Variants in PTBP2 observed in about 807,000 individuals in gnomAD.
PTBP2 encodes the protein polypyrimidine tract binding protein 2, also known as polypyrimidine tract-binding protein 2.
A neutral mutation model predicts 61.4 loss-of-function variants in PTBP2; 13 were observed. That is an observed-to-expected ratio of 0.21 (90% CI 0.14 to 0.34). The LOEUF (loss-of-function observed/expected upper bound fraction) is 0.34, where lower values mean the gene tolerates loss of function less well. Ranked by LOEUF, PTBP2 falls within the 10% of genes least tolerant of loss-of-function variation. The pLI is 1.00. For missense variants in PTBP2, 405 were observed against 642.6 expected (o/e 0.63, Z 4.00); for synonymous variants, 215 against 218.5 (o/e 0.98, Z 0.14).
chr1:96,822,643 CTT>C (rs1662719823), exon 14 of PTBP2: 1 of 152,080 alleles, frequency 6.6e-6, no homozygotes, highest in African/African-American at 2.4e-5. Flanking sequence ...ATAAGTTAAA[CTT>C]ATCCATCTAA....
intron 2 of PTBP2, among the ~76,000 whole-genome samples, chr1:96,728,806 T>A (rs1050079557): frequency 7.2e-6 from 1 of 138,812 alleles, no homozygotes; most frequent in Non-Finnish European, 1.5e-5. Context: ...GTCTTTAATT[T>A]CTTTAAGCAT....
At chr1:96,785,726 T>G (rs1659140334) in intron 8 of PTBP2, among the ~76,000 whole-genome samples, 1 of 152,176 alleles carries the variant, frequency 6.6e-6, no homozygotes, top group African/African-American at 2.4e-5. Flanking sequence ...GGATTTTTTT[T>G]GAAGCATATT....
At chr1:96,762,997 C>T (rs927606885) in intron 3 of PTBP2, among the ~76,000 whole-genome samples, 73 of 151,264 alleles carry the variant, frequency 4.8e-4, no homozygotes, top group Non-Finnish European at 8.3e-4. Context: ...CGGGCAGAGA[C>T]GCTCCTCACT....
chr1:96,800,939 A>G (rs1373486081), intron 8 of PTBP2, among the ~76,000 whole-genome samples: 1 of 152,160 alleles, frequency 6.6e-6, no homozygotes, highest in Non-Finnish European at 1.5e-5. Context: ...TTTGAAAACA[A>G]TTATGTCTTA....
chr1:96,792,250 T>C (rs1032666560), intron 8 of PTBP2, among the ~76,000 whole-genome samples: 1 of 152,238 alleles, frequency 6.6e-6, no homozygotes, highest in Admixed American at 6.5e-5. Context: ...TGAATACTAA[T>C]ATTAACCATT....
At chr1:96,765,888 G>A (rs147829990) in intron 3 of PTBP2, among the ~76,000 whole-genome samples, 2 of 152,222 alleles carry the variant, frequency 1.3e-5, no homozygotes, top group East Asian at 1.9e-4. Context: ...CAAATGAGTC[G>A]GGAAATTAGA....
chr1:96,774,732 G>A (rs1021005742), intron 5 of PTBP2, among the ~76,000 whole-genome samples: 6 of 151,476 alleles, frequency 4.0e-5, no homozygotes, highest in Admixed American at 6.6e-5. Flanking sequence ...TTTTTTTCTC[G>A]CTAGTACAGC....
At chr1:96,801,830 C>T (rs1661022253) in intron 8 of PTBP2, among the ~76,000 whole-genome samples, 1 of 145,736 alleles carries the variant, frequency 6.9e-6, no homozygotes, top group Non-Finnish European at 1.5e-5. Context: ...CATTACACTC[C>T]AGCCTGGGGG....
chr1:96,733,667 C>CA (rs200490382), intron 2 of PTBP2, among the ~76,000 whole-genome samples: 37 of 149,498 alleles, frequency 2.5e-4, no homozygotes, highest in Admixed American at 1.9e-3. Context: ...GATCCAGTCT[C>CA]AAAAAAAAAG....
chr1:96,742,719 G>T (rs1653202421), intron 2 of PTBP2, among the ~76,000 whole-genome samples: 2 of 146,674 alleles, frequency 1.4e-5, no homozygotes, highest in African/African-American at 2.5e-5. Flanking sequence ...TTCATTTAAA[G>T]GTTTTAAGCT....
chr1:96,731,545 T>G (rs1367343747), intron 2 of PTBP2, among the ~76,000 whole-genome samples: 2 of 152,186 alleles, frequency 1.3e-5, no homozygotes, highest in Non-Finnish European at 2.9e-5. Flanking sequence ...GTAAACATTT[T>G]TAGCCTCAGC....
intron 2 of PTBP2, among the ~76,000 whole-genome samples, chr1:96,732,454 A>G (rs1185282416): frequency 6.6e-6 from 1 of 152,288 alleles, no homozygotes; most frequent in South Asian, 2.1e-4. Context: ...CAGTGACCCT[A>G]TTTGTTATGT....
rs144429308 is a variant in PTBP2, at chr1:96,810,986, T to A, written c.1172-1726T>A. On this transcript the variant is annotated intron_variant, in intron 11 of 13. Transcript: ENST00000674951. ...GATTGTTTTGTTTTTTTTCTGTGCT[T>A]AGCCTTGGCGAAAAATCTGAGAAAA... Among the ~76,000 whole-genome samples the A allele has an allele frequency of 1.4e-3, 208 of 152,158 alleles. 2 individuals carry two copies. The highest frequency in any genetic ancestry group is 4.6e-3 in the African/African-American group (190 of 41,544).
chr1:96,745,261 C>T (rs927073921), intron 2 of PTBP2, among the ~76,000 whole-genome samples: 2 of 151,926 alleles, frequency 1.3e-5, no homozygotes, highest in Non-Finnish European at 1.5e-5. Flanking sequence ...CTCCCTGGTT[C>T]ACCCCATTCT....
At chr1:96,756,471 T>C (rs1181794965) in intron 3 of PTBP2, among the ~76,000 whole-genome samples, 2 of 152,186 alleles carry the variant, frequency 1.3e-5, no homozygotes, top group African/African-American at 4.8e-5. Flanking sequence ...GAAAACTTAG[T>C]CTGCGCAGAA....
intron 2 of PTBP2, chr1:96,751,214 G>GATT: frequency 1.6e-6 from 1 of 633,602 alleles, no homozygotes; most frequent in Non-Finnish European, 2.9e-6. Flanking sequence ...TTTGGGCTTA[G>GATT]AGTAAAGAAG....
chr1:96,760,839 G>A (rs1052222653), intron 3 of PTBP2, among the ~76,000 whole-genome samples: 1 of 152,140 alleles, frequency 6.6e-6, no homozygotes, highest in Non-Finnish European at 1.5e-5. Context: ...CATGTTTGCT[G>A]TAAAACTTGT....
At chr1:96,754,125 C>T (rs79610805) in intron 3 of PTBP2, among the ~76,000 whole-genome samples, 2,889 of 151,986 alleles carry the variant, frequency 0.019, 95 homozygotes, top group African/African-American at 0.066. Context: ...ATATTGAAAA[C>T]TAGAAATGAA....
intron 2 of PTBP2, among the ~76,000 whole-genome samples, chr1:96,743,088 C>T (rs1266370130): frequency 6.6e-6 from 1 of 152,024 alleles, no homozygotes; most frequent in Non-Finnish European, 1.5e-5. Context: ...AGATCAAGAC[C>T]ATTTTGGCTA....
Sources: gnomAD v4.1 joint callset for allele counts (sites outside exome capture counted in the v4.1 genomes callset) on GRCh38, gnomAD v4.1.1 for gene constraint, MANE v1.5 for transcripts, NCBI Gene and HGNC (gene_info 2026-07-23, HGNC 2026-07-21) for gene names.